The following CLSTN2 variants were observed in gnomAD, a reference collection of about 807,000 sequenced individuals.
CLSTN2 encodes the protein calsyntenin-2.
A neutral mutation model predicts 101.2 loss-of-function variants in CLSTN2; 48 were observed. The ratio of observed to expected loss-of-function variants is 0.47; its 90% CI spans 0.38 to 0.60. CLSTN2 has a LOEUF of 0.60. CLSTN2 is among the 20% of genes least tolerant of loss of function. CLSTN2 has a pLI of 0.00. For synonymous variants in CLSTN2, 481 were observed against 463.6 expected, an observed-to-expected ratio of 1.04 and a Z score of -0.48; for missense variants, 1,160 against 1,238.2, an observed-to-expected ratio of 0.94 and a Z score of 0.95.
chr3:140,367,945 G>C (rs1349493162), intron 2 of CLSTN2, among the ~76,000 whole-genome samples: 1 of 152,168 alleles, frequency 6.6e-6, no homozygotes. Context: ...TGGCCCAGGA[G>C]GAAGCAGGAG....
At chr3:140,218,978 C>G (rs776033669) in intron 2 of CLSTN2, among the ~76,000 whole-genome samples, 3 of 152,044 alleles carry the variant, frequency 2.0e-5, no homozygotes, top group African/African-American at 4.8e-5. Flanking sequence ...GATTCATACA[C>G]GAGGTTGTTA....
chr3:140,318,890 A>C (rs2087256337), intron 2 of CLSTN2, among the ~76,000 whole-genome samples: 2 of 152,194 alleles, frequency 1.3e-5, no homozygotes, highest in South Asian at 2.1e-4. Flanking sequence ...CTGCAAAACA[A>C]TCTGTCCTCT....
intron 9 of CLSTN2, among the ~76,000 whole-genome samples, chr3:140,544,600 A>T (rs569744541): frequency 2.0e-5 from 3 of 152,040 alleles, no homozygotes; most frequent in Non-Finnish European, 4.4e-5. Flanking sequence ...AAGGCTAAGA[A>T]CCACCATATT....
intron 1 of CLSTN2, among the ~76,000 whole-genome samples, chr3:140,123,429 C>T (rs1276988218): frequency 6.6e-6 from 1 of 152,078 alleles, no homozygotes; most frequent in African/African-American, 2.4e-5. Context: ...GGGCACAGCA[C>T]TGAAGGAGCC....
At chr3:140,166,680 G>A (rs569963849) in intron 1 of CLSTN2, among the ~76,000 whole-genome samples, 1 of 152,132 alleles carries the variant, frequency 6.6e-6, no homozygotes, top group South Asian at 2.1e-4. Context: ...TCTAGTTAAA[G>A]GCACATTGGG....
intron 8 of CLSTN2, among the ~76,000 whole-genome samples, chr3:140,504,421 A>G (rs983447284): frequency 4.0e-5 from 6 of 151,756 alleles, no homozygotes; most frequent in Non-Finnish European, 8.8e-5. Context: ...TGTCATAGTG[A>G]GTAATGGTAT....
chr3:140,070,936 T>C (rs1367731724), intron 1 of CLSTN2, among the ~76,000 whole-genome samples: 1 of 152,128 alleles, frequency 6.6e-6, no homozygotes, highest in East Asian at 1.9e-4. Flanking sequence ...ATCCATCCCT[T>C]TAAGAAAAAG....
At chr3:140,159,938 A>G (rs973896003) in intron 1 of CLSTN2, among the ~76,000 whole-genome samples, 6 of 152,286 alleles carry the variant, frequency 3.9e-5, no homozygotes, top group African/African-American at 1.4e-4. Flanking sequence ...GTATGATCTC[A>G]CAAGTGGGAG....
intron 5 of CLSTN2, among the ~76,000 whole-genome samples, chr3:140,426,487 G>A (rs762286591): frequency 9.9e-5 from 15 of 152,230 alleles, no homozygotes; most frequent in African/African-American, 1.4e-4. Context: ...ATAGTATTCC[G>A]TGGTGTATAT....
chr3:140,297,171 A>G (rs1001116303), intron 2 of CLSTN2, among the ~76,000 whole-genome samples: 6 of 152,204 alleles, frequency 3.9e-5, no homozygotes, highest in Non-Finnish European at 8.8e-5. Flanking sequence ...TTTGTTTGCC[A>G]AGTATTTTAA....
chr3:140,299,016 T>G (rs2087029423), intron 2 of CLSTN2, among the ~76,000 whole-genome samples: 1 of 152,186 alleles, frequency 6.6e-6, no homozygotes, highest in African/African-American at 2.4e-5. Context: ...CTTCCCCCTG[T>G]ACCTTGGTCT....
intron 2 of CLSTN2, among the ~76,000 whole-genome samples, chr3:140,384,545 G>A (rs566190676): frequency 6.6e-6 from 1 of 152,276 alleles, no homozygotes; most frequent in Non-Finnish European, 1.5e-5. Context: ...TTGATGAGAG[G>A]TGCCCAGGGG....
At chr3:139,969,252 G>A (rs900718144) in intron 1 of CLSTN2, among the ~76,000 whole-genome samples, 16 of 152,200 alleles carry the variant, frequency 1.1e-4, no homozygotes, top group African/African-American at 3.9e-4. Flanking sequence ...CACGTTGCCA[G>A]TCACTGCTAC....
At chr3:140,495,355 G>A (rs1934443323) in intron 8 of CLSTN2, among the ~76,000 whole-genome samples, 1 of 151,912 alleles carries the variant, frequency 6.6e-6, no homozygotes, top group Non-Finnish European at 1.5e-5. Context: ...GTAGGCTCTG[G>A]GTATTAGACC....
intron 5 of CLSTN2, among the ~76,000 whole-genome samples, chr3:140,436,777 G>A (rs1559869334): frequency 6.6e-6 from 1 of 152,258 alleles, no homozygotes; most frequent in Non-Finnish European, 1.5e-5. Flanking sequence ...TTTCTGATAA[G>A]TTCTTGGTTG....
At chr3:140,448,053 A>G (rs1241304894) in intron 5 of CLSTN2, among the ~76,000 whole-genome samples, 2 of 152,208 alleles carry the variant, frequency 1.3e-5, no homozygotes, top group Non-Finnish European at 2.9e-5. Flanking sequence ...ACTAAAAAAA[A>G]GGTTTGGGGA....
At chr3:140,178,158 T>C (rs1190630836) in intron 2 of CLSTN2, among the ~76,000 whole-genome samples, 1 of 152,078 alleles carries the variant, frequency 6.6e-6, no homozygotes, top group Non-Finnish European at 1.5e-5. Context: ...TCTCATCTAA[T>C]AGTGAAAGGG....
At chr3:140,262,577 G>C (rs896167004) in intron 2 of CLSTN2, among the ~76,000 whole-genome samples, 1 of 152,160 alleles carries the variant, frequency 6.6e-6, no homozygotes, top group African/African-American at 2.4e-5. Flanking sequence ...TATGTTTCAT[G>C]GGGCCCATAG....
intron 9 of CLSTN2, among the ~76,000 whole-genome samples, chr3:140,537,958 G>T (rs989041295): frequency 6.6e-6 from 1 of 152,174 alleles, no homozygotes; most frequent in Non-Finnish European, 1.5e-5. Flanking sequence ...GCTGCAGCAC[G>T]TGGAGGTCCA....
Sources: gnomAD v4.1 joint callset for allele counts (sites outside exome capture counted in the v4.1 genomes callset) on GRCh38, gnomAD v4.1.1 for gene constraint, MANE v1.5 for transcripts, NCBI Gene and HGNC (gene_info 2026-07-23, HGNC 2026-07-21) for gene names.